Variants in KIAA0232 observed in about 807,000 individuals in gnomAD.
KIAA0232 encodes the protein KIAA0232.
A neutral mutation model predicts 122.0 loss-of-function variants in KIAA0232; 27 were observed. The observed-to-expected ratio is 0.22, with a 90% CI of 0.16 to 0.31. KIAA0232 has a LOEUF of 0.31. Among genes scored for constraint, KIAA0232 ranks in the 10% least tolerant of loss-of-function variants. KIAA0232 has a pLI of 1.00. For synonymous variants in KIAA0232, 613 were observed against 587.6 expected (o/e 1.04, Z -0.63); for missense variants, 1,551 against 1,634.2 (o/e 0.95, Z 0.88).
At chr4:6,812,028 A>G (rs1717904426) in intron 2 of KIAA0232, among the ~76,000 whole-genome samples, 1 of 152,146 alleles carries the variant, frequency 6.6e-6, no homozygotes, top group Non-Finnish European at 1.5e-5. Context: ...ATCAAACATA[A>G]AGTAGATGTT....
At chr4:6,823,141 G>C (rs1268186756) in intron 2 of KIAA0232, among the ~76,000 whole-genome samples, 1 of 151,572 alleles carries the variant, frequency 6.6e-6, no homozygotes, top group Non-Finnish European at 1.5e-5. Flanking sequence ...GTATTCCATG[G>C]TGTATATGTG....
intron 2 of KIAA0232, among the ~76,000 whole-genome samples, chr4:6,814,691 G>C (rs1180928871): frequency 2.0e-5 from 3 of 152,030 alleles, no homozygotes; most frequent in Non-Finnish European, 2.9e-5. Context: ...ATGACCCTGG[G>C]AAGCTGTGGG....
At position 6,832,733 on chromosome 4, in the gene KIAA0232, C is replaced by T. The variant is rs578035202; in HGVS notation, c.231+8049C>T. Among the ~76,000 whole-genome samples the T allele has an allele frequency of 3.3e-5, 5 of 152,254 alleles. No individual in the cohort carries two copies. In the South Asian group the frequency reaches 8.3e-4, roughly 25 times the overall value. ...CTGGAATATACAAGAGGCTCAGATA[C>T]GTATTAGACAAATGGATAGCCACAT... On this transcript the variant is annotated intron_variant, in intron 3 of 9. Coordinates refer to ENST00000307659, the MANE Select transcript of KIAA0232 (RefSeq NM_014743.3).
intron 4 of KIAA0232, among the ~76,000 whole-genome samples, chr4:6,852,619 T>C (rs1196488577): frequency 1.3e-5 from 2 of 152,222 alleles, no homozygotes; most frequent in Non-Finnish European, 2.9e-5. Context: ...TTTGAAAGCC[T>C]GTGCTTCAGT....
In KIAA0232 at chr4:6,881,095, A is replaced by C; in HGVS notation, c.*129A>C. On this transcript the variant is annotated 3_prime_UTR_variant, in exon 10 of 10. Transcript: ENST00000307659. The stretch of plus-strand genomic sequence containing the variant: ...AATTAACTGATTCAGATTGGTAATA[A>C]TTATCTTTCTCTTCTTGCTTATTTT... 2 of 651,308 alleles carry C rather than the reference A, an allele frequency of 3.1e-6. No homozygotes were observed. The highest frequency in any genetic ancestry group is 4.7e-6 in the Non-Finnish European group (2 of 425,016). 40.3% of individuals were successfully genotyped at this position (651,308 alleles called of 1,614,324 possible).
intron 7 of KIAA0232, among the ~76,000 whole-genome samples, chr4:6,865,534 C>T (rs1721127808): frequency 6.6e-6 from 1 of 152,232 alleles, no homozygotes; most frequent in African/African-American, 2.4e-5. Context: ...CTCCTAACTT[C>T]AAGTGATCCA....
chr4:6,796,018 C>CG (rs1403048622), intron 1 of KIAA0232, among the ~76,000 whole-genome samples: 3 of 152,052 alleles, frequency 2.0e-5, no homozygotes, highest in Non-Finnish European at 4.4e-5. Flanking sequence ...GAGCAGCCAG[C>CG]GGAGGAGCCA....
At chr4:6,846,328 GGACA>G in intron 4 of KIAA0232, among the ~76,000 whole-genome samples, 1 of 152,262 alleles carries the variant, frequency 6.6e-6, no homozygotes, top group South Asian at 2.1e-4. Context: ...CCCGGGCCAT[GGACA>G]GGTACCAGTA....
chr4:6,786,910 C>T (rs1466898688), intron 1 of KIAA0232, among the ~76,000 whole-genome samples: 5 of 152,210 alleles, frequency 3.3e-5, no homozygotes, highest in East Asian at 3.9e-4. Flanking sequence ...TGGCCGGGCG[C>T]GGTGGCTCAC....
chr4:6,858,131 AATT>A (rs1189694572), intron 5 of KIAA0232, among the ~76,000 whole-genome samples: 8 of 152,234 alleles, frequency 5.3e-5, no homozygotes, highest in Non-Finnish European at 1.2e-4. Flanking sequence ...CTTCTGGTCT[AATT>A]AATAAGTACA....
intron 2 of KIAA0232, among the ~76,000 whole-genome samples, chr4:6,810,618 A>T (rs1026602591): frequency 3.9e-5 from 6 of 152,236 alleles, no homozygotes; most frequent in African/African-American, 1.4e-4. Context: ...AGAGCAAAAG[A>T]AATCAGCAGG....
chr4:6,866,160 C>T, intron 7 of KIAA0232: 1 of 881,212 alleles, frequency 1.1e-6, no homozygotes, highest in Non-Finnish European at 1.4e-6. Flanking sequence ...TTAAATATTC[C>T]TTTATGTACT....
chr4:6,863,621 C>G lies in KIAA0232; in HGVS notation c.3239C>G (p.Ser1080Ter). 2 of 1,614,170 alleles carry G rather than the reference C, an allele frequency of 1.2e-6. No individual in the cohort carries two copies. The highest frequency in any genetic ancestry group is 1.7e-6 in the Non-Finnish European group (2 of 1,180,032). The change falls in exon 7 of 10, where the codon TCA (serine) becomes TGA (stop). Residue 1080 changes from serine to a stop codon, truncating the protein, a stop_gained. Transcript: ENST00000307659. LOFTEE classifies it high-confidence loss of function. ...CCGAAATCAATCCTCTGTTCTGATT[C>G]AGACAGTGAAGTGTTTCACCCCAGG... ...FKPKSILCSDSDSEVFHPRIC... is the reference protein window; with the variant it reads ...FKPKSILCSD
intron 2 of KIAA0232, among the ~76,000 whole-genome samples, chr4:6,816,193 A>G (rs1718115393): frequency 6.6e-6 from 1 of 151,930 alleles, no homozygotes; most frequent in Non-Finnish European, 1.5e-5. Context: ...TGTATATATT[A>G]TTGGATTCAA....
At chr4:6,860,451 AG>A (rs1469829760) in intron 6 of KIAA0232, among the ~76,000 whole-genome samples, 1 of 152,192 alleles carries the variant, frequency 6.6e-6, no homozygotes, top group Non-Finnish European at 1.5e-5. Flanking sequence ...TAACTTTGGG[AG>A]GTAAGTCATA....
intron 2 of KIAA0232, among the ~76,000 whole-genome samples, chr4:6,819,835 C>T (rs111754948): frequency 0.024 from 3,617 of 152,070 alleles, 155 homozygotes; most frequent in African/African-American, 0.081. Flanking sequence ...AGCAAAGATA[C>T]GGAATCAACC....
intron 3 of KIAA0232, among the ~76,000 whole-genome samples, chr4:6,839,782 T>A (rs1479161023): frequency 6.6e-6 from 1 of 152,116 alleles, no homozygotes; most frequent in African/African-American, 2.4e-5. Context: ...AGATCGAGTT[T>A]AGCCAGCAGG....
intron 2 of KIAA0232, among the ~76,000 whole-genome samples, chr4:6,816,369 A>G (rs1577368596): frequency 2.7e-5 from 4 of 146,566 alleles, no homozygotes; most frequent in African/African-American, 1.0e-4. Context: ...TGCAAGCTCT[A>G]CCTCCCGGGT....
chr4:6,824,192 C>CG lies in KIAA0232; in HGVS notation c.-260dup. ...CCTCTCTCATTTTTGTAGGTTCTGC[C>CG]GGAGACTTCCATTTGGCCTCAATGT... On this transcript the variant is annotated 5_prime_UTR_variant, in exon 3 of 10. An upstream open reading frame in the 5' UTR loses its in-frame stop. Coordinates refer to ENST00000307659, the MANE Select transcript of KIAA0232 (RefSeq NM_014743.3). 2 of 522,006 alleles carry CG rather than the reference C, an allele frequency of 3.8e-6. No homozygotes were observed. Among genetic ancestry groups the CG allele is most frequent in the Non-Finnish European group, 6.8e-6 (2 of 294,712 alleles). 32.3% of individuals were successfully genotyped at this position (522,006 alleles called of 1,614,324 possible). A position where few individuals can be genotyped will look rare whatever the true frequency, so the allele number is the denominator to read the frequency against.
Sources: gnomAD v4.1 joint callset for allele counts (sites outside exome capture counted in the v4.1 genomes callset) on GRCh38, gnomAD v4.1.1 for gene constraint, MANE v1.5 for transcripts, NCBI Gene and HGNC (gene_info 2026-07-23, HGNC 2026-07-21) for gene names.